Variants in CFAP58 observed in about 807,000 individuals in gnomAD.
The protein encoded by CFAP58 is cilia- and flagella-associated protein 58.
In CFAP58, 88 loss-of-function variants were observed where a neutral mutation model predicts 119.5. The ratio of observed to expected loss-of-function variants is 0.74; its 90% CI spans 0.62 to 0.88. The LOEUF is 0.88. Among genes scored for constraint, CFAP58 ranks in the 40% least tolerant of loss-of-function variants. The pLI, the probability that CFAP58 is intolerant of heterozygous loss-of-function variation, is 0.00. For synonymous variants in CFAP58, 365 were observed against 366.3 expected, an observed-to-expected ratio of 1.00 and a Z score of 0.04; for missense variants, 990 against 1,021.2, an observed-to-expected ratio of 0.97 and a Z score of 0.42.
At position 104,438,350 on chromosome 10, in the gene CFAP58, TTTTTTTTTTTG is replaced by T. The variant is rs1425382684; in HGVS notation, c.2257-9337_2257-9327del. ...TGTTTTTTTGTTTTTTGTTTTTTGT[TTTTTTTTTTTG>T]TTTTTTTTTTTTGTTTTTTTTTTTT... On this transcript the variant is annotated intron_variant, in intron 15 of 17. Transcript: ENST00000369704. 1.4e-3 allele frequency among the ~76,000 whole-genome samples: 56 copies of T among 38,774 alleles called. 1 individual carries two copies. The highest frequency in any genetic ancestry group is 2.2e-3 in the Non-Finnish European group (40 of 18,200). The allele number at this position is 38,774 out of a possible 152,430, so 25.4% of individuals were successfully genotyped here. A position where few individuals can be genotyped will look rare whatever the true frequency, so the allele number is the denominator to read the frequency against.
chr10:104,396,597 A>G (rs1244766340), intron 11 of CFAP58, among the ~76,000 whole-genome samples: 1 of 152,246 alleles, frequency 6.6e-6, no homozygotes, highest in African/African-American at 2.4e-5. Flanking sequence ...TTCTACAAGT[A>G]TGACTCTTGA....
At chr10:104,423,937 T>A (rs1024054386) in intron 15 of CFAP58, among the ~76,000 whole-genome samples, 3 of 152,184 alleles carry the variant, frequency 2.0e-5, no homozygotes, top group African/African-American at 4.8e-5. Context: ...AGAAATTAAT[T>A]TGTATTTATA....
At chr10:104,353,175 G>A (rs1467540356), upstream of CFAP58, 4 of 152,174 alleles carry the variant, frequency 2.6e-5, no homozygotes, top group Non-Finnish European at 5.9e-5. Flanking sequence ...AAACGTTTTT[G>A]GGAGAGGGGT....
At chr10:104,454,325 AG>A (rs1201321008) in intron 17 of CFAP58, 96 bp from the exon 18 acceptor site, 2 of 899,414 alleles carry the variant, frequency 2.2e-6, no homozygotes, top group Admixed American at 4.2e-5. Flanking sequence ...CTGTAATCAA[AG>A]TAGTTTTCAG....
rs200545927 is a variant in CFAP58 at position 104,411,597 on chromosome 10, ATT to A, written c.2256+4806_2256+4807del. ...GTTCAGGTTAAGGGTATGTCCATTC[ATT>A]TGTTTCTGCCAGGTGCCTTAGAAGG... is the stretch of plus-strand genomic sequence containing the variant. On this transcript the variant is annotated intron_variant, in intron 15 of 17. Coordinates refer to ENST00000369704, the MANE Select transcript of CFAP58 (RefSeq NM_001008723.2). Among the ~76,000 whole-genome samples, 1,444 of 151,998 alleles carry A rather than the reference ATT, an allele frequency of 9.5e-3. 8 individuals carry two copies. Among genetic ancestry groups the A allele is most frequent in the Admixed American group, 0.016 (238 of 15,268 alleles).
In CFAP58 at chr10:104,392,344, G is replaced by A; in HGVS notation, c.1477G>A (p.Ala493Thr). ...AAAACAGCAACAGAACCTATATGAA[G>A]CTGTGAGATCAGACAGAAATCTGTA... is the stretch of plus-strand genomic sequence containing the variant. ...KLKQQQNLYEAVRSDRNLYSK... is the reference protein window; with the variant it reads ...KLKQQQNLYETVRSDRNLYSK... Residue 493 changes from alanine (A) to threonine (T), a missense_variant, in exon 10 of 18, where the codon GCT (alanine) becomes ACT (threonine). Transcript: ENST00000369704. 5 of 1,611,396 alleles carry A rather than the reference G, an allele frequency of 3.1e-6. No individual in the cohort carries two copies. In the South Asian group the frequency reaches 5.5e-5, roughly 18 times the overall value.
At position 104,380,010 on chromosome 10, in the gene CFAP58, T is replaced by C; in HGVS notation, c.1174-19T>C. The stretch of plus-strand genomic sequence containing the variant: ...TGAACATTATGAGTAATGTGACTGC[T>C]TTGTGCCCTTATTTTTAGAACATGC... On this transcript the variant is annotated intron_variant, in intron 8 of 17. Coordinates refer to ENST00000369704, the MANE Select transcript of CFAP58 (RefSeq NM_001008723.2). 6.2e-7 allele frequency: 1 copy of C among 1,607,716 alleles called. No individual in the cohort carries two copies. Among genetic ancestry groups the C allele is most frequent in the Non-Finnish European group, 8.5e-7 (1 of 1,176,952 alleles).
At chr10:104,401,183 T>G (rs752693238) in intron 13 of CFAP58, among the ~76,000 whole-genome samples, 9 of 152,164 alleles carry the variant, frequency 5.9e-5, no homozygotes, top group Admixed American at 5.9e-4. Flanking sequence ...TACAAAAGAA[T>G]TTTCAAGGAA....
At chr10:104,362,299 CT>C in intron 3 of CFAP58, 128 bp downstream of exon 3, 1 of 747,406 alleles carries the variant, frequency 1.3e-6, no homozygotes, top group Non-Finnish European at 2.1e-6. Flanking sequence ...TTATTGGGTT[CT>C]TAGAGATTGT....
intron 15 of CFAP58, among the ~76,000 whole-genome samples, chr10:104,441,896 G>A (rs1448722472): frequency 3.9e-5 from 6 of 152,152 alleles, no homozygotes; most frequent in Admixed American, 2.0e-4. Flanking sequence ...TGACATCTTC[G>A]TTATAAAACC....
At chr10:104,431,323 C>T (rs1285277947) in intron 15 of CFAP58, among the ~76,000 whole-genome samples, 1 of 152,144 alleles carries the variant, frequency 6.6e-6, no homozygotes, top group Non-Finnish European at 1.5e-5. Flanking sequence ...ACTATAACTA[C>T]AGCACAGTAT....
At chr10:104,452,676 T>A (rs2013214251) in intron 17 of CFAP58, among the ~76,000 whole-genome samples, 1 of 152,244 alleles carries the variant, frequency 6.6e-6, no homozygotes, top group African/African-American at 2.4e-5. Flanking sequence ...TGAAATCAGT[T>A]CCTCAGTCTC....
At chr10:104,418,649 C>A (rs555538530) in intron 15 of CFAP58, among the ~76,000 whole-genome samples, 1 of 152,322 alleles carries the variant, frequency 6.6e-6, no homozygotes, top group African/African-American at 2.4e-5. Context: ...ACTGAACATT[C>A]CATTACCATG....
intron 15 of CFAP58, among the ~76,000 whole-genome samples, chr10:104,413,751 A>ATCAT (rs67521956): frequency 8.7e-4 from 122 of 140,232 alleles, no homozygotes; most frequent in African/African-American, 3.1e-3. Flanking sequence ...ATCATCATCA[A>ATCAT]GATGGCATTT....
intron 1 of CFAP58, among the ~76,000 whole-genome samples, chr10:104,355,037 C>T (rs1016315468): frequency 2.0e-5 from 3 of 152,162 alleles, no homozygotes; most frequent in Non-Finnish European, 4.4e-5. Context: ...CTTTCCTTAT[C>T]ATACGATCTC....
chr10:104,371,153 C>T, intron 7 of CFAP58, 99 bp downstream of exon 7: 1 of 1,132,608 alleles, frequency 8.8e-7, no homozygotes, highest in Non-Finnish European at 1.2e-6. Context: ...CAACCTATGC[C>T]AAATGAAATC....
At chr10:104,364,487 T>A (rs545912648) in intron 3 of CFAP58, among the ~76,000 whole-genome samples, 1 of 150,626 alleles carries the variant, frequency 6.6e-6, no homozygotes, top group South Asian at 2.1e-4. Context: ...CACGCATGAA[T>A]AGACATTGTA....
intron 6 of CFAP58, among the ~76,000 whole-genome samples, chr10:104,369,673 T>C (rs975976202): frequency 6.6e-5 from 10 of 152,216 alleles, no homozygotes; most frequent in Admixed American, 1.3e-4. Context: ...CCCTTGATAA[T>C]ATGAATGGGG....
chr10:104,415,533 T>C (rs909409070), intron 15 of CFAP58, among the ~76,000 whole-genome samples: 6 of 152,132 alleles, frequency 3.9e-5, no homozygotes, highest in African/African-American at 7.2e-5. Context: ...CTGACACCCA[T>C]GCGCCTGAGG....
Sources: gnomAD v4.1 joint callset for allele counts (sites outside exome capture counted in the v4.1 genomes callset) on GRCh38, gnomAD v4.1.1 for gene constraint, MANE v1.5 for transcripts, NCBI Gene and HGNC (gene_info 2026-07-23, HGNC 2026-07-21) for gene names.